Variants in WASHC2C observed in about 807,000 individuals in gnomAD.
The protein encoded by WASHC2C is WASH complex subunit 2C.
Under a neutral mutation model 142.2 loss-of-function variants are expected in WASHC2C, and 73 were observed. The ratio of observed to expected loss-of-function variants is 0.51; its 90% CI spans 0.43 to 0.62. WASHC2C has a LOEUF of 0.62. WASHC2C is among the 20% of genes least tolerant of loss of function. The probability of loss-of-function intolerance (pLI) is 0.00; values close to 1 mark genes in which losing one functional copy is unlikely to be tolerated. For missense variants in WASHC2C, 969 were observed against 1,531.7 expected (o/e 0.63, Z 6.13); for synonymous variants, 337 against 565.5 (o/e 0.60, Z 5.73).
chr10:45,780,900 C>T (rs1333249606), intron 23 of WASHC2C, among the ~76,000 whole-genome samples: 2 of 151,572 alleles, frequency 1.3e-5, no homozygotes, highest in Admixed American at 1.3e-4. Context: ...ATTATAGGCA[C>T]CCACCACCAT....
intron 19 of WASHC2C, among the ~76,000 whole-genome samples, 153 bp downstream of exon 19, chr10:45,765,963 T>G (rs1254965075): frequency 6.6e-6 from 1 of 152,232 alleles, no homozygotes; most frequent in Non-Finnish European, 1.5e-5. Flanking sequence ...AGGAAGACAT[T>G]TAATGTAATA....
chr10:45,762,099 C>T, intron 17 of WASHC2C, among the ~76,000 whole-genome samples: 1 of 151,054 alleles, frequency 6.6e-6, no homozygotes, highest in African/African-American at 2.4e-5. Context: ...GTTTATCTTC[C>T]CAAGGGAATA....
chr10:45,751,042 A>C (rs1280623794), intron 10 of WASHC2C, among the ~76,000 whole-genome samples: 1 of 152,212 alleles, frequency 6.6e-6, no homozygotes, highest in Non-Finnish European at 1.5e-5. Context: ...GACCCACAAG[A>C]AAAACGTACA....
intron 18 of WASHC2C, among the ~76,000 whole-genome samples, chr10:45,764,545 C>T (rs1281018320): frequency 6.7e-6 from 1 of 149,506 alleles, no homozygotes; most frequent in Admixed American, 6.6e-5. Flanking sequence ...GTCTTTCTTT[C>T]CCGTCCTGGC....
At chr10:45,752,497 A>C in intron 11 of WASHC2C, 91 bp from the exon 12 acceptor site, 4 of 989,534 alleles carry the variant, frequency 4.0e-6, no homozygotes, top group Non-Finnish European at 6.4e-6. Context: ...ACTCCATGCC[A>C]GTTTGGAGAC....
At chr10:45,743,277 C>T (rs2052373472) in intron 5 of WASHC2C, 113 bp from the exon 6 acceptor site, 1 of 1,566,800 alleles carries the variant, frequency 6.4e-7, no homozygotes, top group Non-Finnish European at 8.8e-7. Flanking sequence ...TTATTCTCCA[C>T]CTTCGTTATG....
At chr10:45,792,154 T>A in intron 30 of WASHC2C, 107 bp from the exon 31 acceptor site, 1 of 1,245,020 alleles carries the variant, frequency 8.0e-7, no homozygotes, top group Non-Finnish European at 1.1e-6. Flanking sequence ...TTTAGGGTAC[T>A]CCATGCTGTT....
chr10:45,746,573 C>A, intron 7 of WASHC2C, 27 bp from the exon 8 acceptor site: 2 of 1,612,574 alleles, frequency 1.2e-6, no homozygotes, highest in Non-Finnish European at 1.7e-6. Flanking sequence ...GCCCATTTAA[C>A]AACAAAGCCT....
intron 7 of WASHC2C, among the ~76,000 whole-genome samples, chr10:45,745,264 T>C (rs1257897533): frequency 2.0e-5 from 3 of 152,084 alleles, no homozygotes; most frequent in Non-Finnish European, 4.4e-5. Flanking sequence ...TTTAGAACTT[T>C]TGTAAACTAT....
intron 23 of WASHC2C, among the ~76,000 whole-genome samples, chr10:45,779,851 G>A (rs1333186446): frequency 6.6e-6 from 1 of 152,198 alleles, no homozygotes; most frequent in Non-Finnish European, 1.5e-5. Context: ...TTGGCGTGAT[G>A]ACGCTTGCCT....
chr10:45,777,444 A>G lies in WASHC2C; in HGVS notation c.2295+19A>G. 1 of 1,610,790 alleles carries G rather than the reference A, an allele frequency of 6.2e-7. No individual in the cohort carries two copies. Among genetic ancestry groups the G allele is most frequent in the Non-Finnish European group, 8.5e-7 (1 of 1,178,436 alleles). ...AGAAAAGGTGGACTTTTTTTCTTGT[A>G]TACTTGAATGCATTTGTCTCTCGTA... On this transcript the variant is annotated intron_variant, in intron 22 of 30. Coordinates refer to ENST00000623400, the MANE Select transcript of WASHC2C (RefSeq NM_001330074.2).
chr10:45,758,524 C>G (rs1279676662), intron 16 of WASHC2C, among the ~76,000 whole-genome samples: 11 of 152,034 alleles, frequency 7.2e-5, no homozygotes, highest in Non-Finnish European at 1.2e-4. Context: ...CTCTCCCCCT[C>G]CTTCCCCGAT....
chr10:45,742,104 A>T (rs1554868362), intron 5 of WASHC2C, among the ~76,000 whole-genome samples: 2 of 151,540 alleles, frequency 1.3e-5, no homozygotes, highest in Non-Finnish European at 2.9e-5. Flanking sequence ...CCAACCCTAA[A>T]TTTTTAATGT....
In WASHC2C at chr10:45,727,310, C is replaced by T. The variant is rs770769379; in HGVS notation, c.-8C>T. ...CAGCCTCGGAGCCCACCGAGCCGGGCGGCTGGGATGGTGAGGGCGGCGGGC... is the reference window on the plus strand; with the variant it reads ...CAGCCTCGGAGCCCACCGAGCCGGGTGGCTGGGATGGTGAGGGCGGCGGGC... On this transcript the variant is annotated 5_prime_UTR_variant, in exon 1 of 31. Coordinates refer to ENST00000623400, the MANE Select transcript of WASHC2C (RefSeq NM_001330074.2). The T allele has an allele frequency of 7.6e-6, 12 of 1,571,066 alleles. 1 individual carries two copies. In the South Asian group the frequency reaches 1.4e-4, roughly 18 times the overall value.
At chr10:45,785,818 T>C (rs1472404826) in intron 26 of WASHC2C, 187 bp downstream of exon 26, 4 of 1,100,294 alleles carry the variant, frequency 3.6e-6, no homozygotes, top group Non-Finnish European at 5.2e-6. Context: ...CACGCCAGAG[T>C]TTCATGAATC....
At chr10:45,745,881 T>C (rs1162518931) in intron 7 of WASHC2C, among the ~76,000 whole-genome samples, 3 of 149,246 alleles carry the variant, frequency 2.0e-5, no homozygotes, top group African/African-American at 4.9e-5. Flanking sequence ...TAACTCGTCA[T>C]CTAGCATTAG....
Position 45,788,908 on chromosome 10 carries a change from C to T in WASHC2C, c.3125C>T (p.Thr1042Ile). ...ATGAGAGGGAAGCGTAGACCGCAGA[C>T]CCGTGCAGCTAGGCGGCTGGCTGCT... ...VKMRGKRRPQ[T>I]RAARRLAAQE... Residue 1042 changes from threonine (T) to isoleucine (I), a missense_variant, in exon 29 of 31, where the codon ACC (threonine) becomes ATC (isoleucine). By Grantham distance (89) the Thr-to-Ile change is moderately conservative. Coordinates refer to ENST00000623400, the MANE Select transcript of WASHC2C (RefSeq NM_001330074.2). The T allele has an allele frequency of 2.5e-6, 4 of 1,612,012 alleles. No individual in the cohort carries two copies. The highest frequency in any genetic ancestry group is 3.4e-6 in the Non-Finnish European group (4 of 1,179,862).
intron 19 of WASHC2C, among the ~76,000 whole-genome samples, chr10:45,766,083 C>G (rs1405286478): frequency 6.6e-6 from 1 of 152,178 alleles, no homozygotes; most frequent in African/African-American, 2.4e-5. Flanking sequence ...GAAATGATTT[C>G]TCAGCCATCG....
chr10:45,743,102 C>T (rs1180243785), intron 5 of WASHC2C, among the ~76,000 whole-genome samples: 1 of 151,718 alleles, frequency 6.6e-6, no homozygotes, highest in African/African-American at 2.4e-5. Context: ...GTCTCAAACT[C>T]CTGACCTCAA....
Sources: allele counts gnomAD v4.1 joint callset (sites outside exome capture counted in the v4.1 genomes callset), GRCh38; gene constraint gnomAD v4.1.1; transcripts MANE v1.5; gene names NCBI Gene and HGNC (gene_info 2026-07-23, HGNC 2026-07-21).